Variants in SCN8A observed in about 807,000 individuals in gnomAD.
SCN8A encodes sodium channel protein type 8 subunit alpha.
Under a neutral mutation model 184.1 loss-of-function variants are expected in SCN8A, and 30 were observed. The ratio of observed to expected loss-of-function variants is 0.16; its 90% CI spans 0.12 to 0.22. The LOEUF (loss-of-function observed/expected upper bound fraction) is 0.22, where lower values mean the gene tolerates loss of function less well. SCN8A is among the 10% of genes least tolerant of loss of function. The pLI, the probability that SCN8A is intolerant of heterozygous loss-of-function variation, is 1.00. For synonymous variants in SCN8A, 852 were observed against 907.0 expected, an observed-to-expected ratio of 0.94 and a Z score of 1.09; for missense variants, 1,057 against 2,498.9, an observed-to-expected ratio of 0.42 and a Z score of 12.30.
intron 19 of SCN8A, among the ~76,000 whole-genome samples, chr12:51,771,433 C>CA (rs112882505): frequency 0.023 from 3,290 of 140,308 alleles, 108 homozygotes; most frequent in African/African-American, 0.07. Flanking sequence ...AATCTGGAAG[C>CA]AAAAAAAAAA....
At chr12:51,673,376 A>C (rs1194974569) in intron 2 of SCN8A, among the ~76,000 whole-genome samples, 1 of 152,188 alleles carries the variant, frequency 6.6e-6, no homozygotes, top group African/African-American at 2.4e-5. Context: ...TCCTGGAGCC[A>C]ATTCCCCGTG....
chr12:51,638,889 A>T (rs1053209006), intron 1 of SCN8A, among the ~76,000 whole-genome samples: 1 of 152,180 alleles, frequency 6.6e-6, no homozygotes, highest in Non-Finnish European at 1.5e-5. Flanking sequence ...CTAGAATTAG[A>T]AGTGGAGCCT....
chr12:51,686,013 G>A (rs1322244155), intron 3 of SCN8A, among the ~76,000 whole-genome samples: 7 of 152,184 alleles, frequency 4.6e-5, no homozygotes, highest in African/African-American at 1.7e-4. Context: ...TGACAACTTT[G>A]GTTGAGAAAG....
At chr12:51,641,989 T>C (rs548798523) in intron 1 of SCN8A, among the ~76,000 whole-genome samples, 36 of 152,348 alleles carry the variant, frequency 2.4e-4, no homozygotes, top group African/African-American at 8.4e-4. Flanking sequence ...GACATTCTAC[T>C]ACTAGACTTC....
Position 51,745,972 on chromosome 12 carries a change from T to G in SCN8A, c.2068T>G (p.Ser690Ala). Residue 690 changes from serine (S) to alanine (A), a missense_variant, in exon 13 of 27, where the codon TCC becomes GCC. Ser to Ala is a moderately conservative substitution (Grantham distance 99). Coordinates refer to ENST00000627620, the MANE Select transcript of SCN8A (RefSeq NM_001330260.2). ...SLLVSMDQLASYGRKDRINSI... is the reference protein window; with the variant it reads ...SLLVSMDQLAAYGRKDRINSI... ...TTTAGTTTCCATGGACCAATTAGCC[T>G]CCTACGGGCGGAAGGACAGAATCAA... 1 of 1,612,186 alleles carries G rather than the reference T, an allele frequency of 6.2e-7. No individual in the cohort carries two copies. Among genetic ancestry groups the G allele is most frequent in the Non-Finnish European group, 8.5e-7 (1 of 1,178,986 alleles).
chr12:51,791,340 C>T lies in SCN8A; in HGVS notation c.4524+838C>T, dbSNP rs1057454413. 2.0e-5 allele frequency among the ~76,000 whole-genome samples: 3 copies of T among 152,272 alleles called. No homozygotes were observed. The East Asian group carries it at 5.8e-4, about 29-fold the overall frequency. On this transcript the variant is annotated intron_variant, in intron 25 of 26. Coordinates refer to ENST00000627620, the MANE Select transcript of SCN8A (RefSeq NM_001330260.2). ...TCCAGAACGTTTTCTCCCCTCACCC[C>T]CACACGCCGCACGTGGTACATCTAC... is the stretch of plus-strand genomic sequence containing the variant.
chr12:51,702,782 A>G lies in SCN8A; in HGVS notation c.1002A>G (p.Pro334=), dbSNP rs1057520362. ...CCCTTTCTTTCTTTAGGCAATGCCC[A>G]GAGGGATACCAGTGTATGAAAGCAG... ...CGNSSDAGQC[P]EGYQCMKAGR... is the part of the protein sequence containing the mutation. Residue 334 remains proline, a synonymous_variant, in exon 9 of 27, where the codon CCA becomes CCG. Transcript: ENST00000627620. The G allele has an allele frequency of 6.2e-7, 1 of 1,604,716 alleles. No homozygotes were observed. The highest frequency in any genetic ancestry group is 1.7e-5 in the Admixed American group (1 of 59,196).
chr12:51,767,361 GT>G (rs1277578934), intron 16 of SCN8A, among the ~76,000 whole-genome samples: 1 of 152,128 alleles, frequency 6.6e-6, no homozygotes, highest in African/African-American at 2.4e-5. Flanking sequence ...CACTTTTCAG[GT>G]TCCCCTTTGC....
intron 1 of SCN8A, among the ~76,000 whole-genome samples, chr12:51,601,855 GTTTTTTTT>G (rs938674707): frequency 1.8e-5 from 2 of 109,744 alleles, no homozygotes; most frequent in African/African-American, 3.6e-5. Context: ...CAGAGAAAGG[GTTTTTTTT>G]TTTTTTTTTT....
intron 11 of SCN8A, among the ~76,000 whole-genome samples, chr12:51,720,885 G>A (rs1296596461): frequency 6.6e-6 from 1 of 151,554 alleles, no homozygotes; most frequent in African/African-American, 2.4e-5. Flanking sequence ...GGCCAACATG[G>A]CGAAACCCTG....
intron 12 of SCN8A, among the ~76,000 whole-genome samples, chr12:51,742,524 T>C (rs888272609): frequency 1.3e-5 from 2 of 151,990 alleles, no homozygotes; most frequent in African/African-American, 4.8e-5. Flanking sequence ...TACCACTTTC[T>C]CCTAGCCTGT....
intron 2 of SCN8A, among the ~76,000 whole-genome samples, chr12:51,671,580 T>TTAA (rs1941132026): frequency 6.6e-6 from 1 of 152,206 alleles, no homozygotes; most frequent in East Asian, 1.9e-4. Flanking sequence ...ATGGGACTAT[T>TTAA]TAATAATGGC....
intron 11 of SCN8A, chr12:51,713,324 C>A (rs1336142813): frequency 3.7e-6 from 4 of 1,094,680 alleles, no homozygotes; most frequent in Non-Finnish European, 5.6e-6. Context: ...TGTGGTCAAG[C>A]ACACATTGCT....
Position 51,775,928 on chromosome 12 carries a change from A to T in SCN8A, c.3819+1566A>T, listed in dbSNP as rs149530786. On this transcript the variant is annotated intron_variant, in intron 20 of 26. Transcript: ENST00000627620. ...TACCCAGAATTTGAGGATATTGATCAGGTATCCCACATGCCCCTGCTAAAC... is the reference window on the plus strand; with the variant it reads ...TACCCAGAATTTGAGGATATTGATCTGGTATCCCACATGCCCCTGCTAAAC... Among the ~76,000 whole-genome samples the T allele has an allele frequency of 3.9e-4, 60 of 152,328 alleles. 1 individual carries two copies. The East Asian group carries it at 0.011, about 27-fold the overall frequency.
rs1209695643 is a variant in SCN8A, at chr12:51,788,690, G to A, written c.4228-5G>A. 6.2e-7 allele frequency: 1 copy of A among 1,605,066 alleles called. No homozygotes were observed. ...CACCGTCTAATGACTGACTCTGTTT[G>A]CCAGGCAACCTTCAAAGGCTGGATG... On this transcript the variant is annotated splice_region_variant and splice_polypyrimidine_tract_variant and intron_variant, in intron 22 of 26. Transcript: ENST00000627620.
intron 12 of SCN8A, among the ~76,000 whole-genome samples, chr12:51,726,686 C>T (rs1304538445): frequency 6.6e-6 from 1 of 151,962 alleles, no homozygotes; most frequent in Non-Finnish European, 1.5e-5. Context: ...ATATAATATG[C>T]TTCATATATA....
chr12:51,809,930 T>A lies in SCN8A; in HGVS notation c.*2501T>A, dbSNP rs1447915105. On this transcript the variant is annotated 3_prime_UTR_variant, in exon 27 of 27. Transcript: ENST00000627620. ...GTCTTTTCCAAAACAACAAAAAATA[T>A]ATATTTTTGTTCCAATGTGCAATAA... The A allele has an allele frequency of 6.6e-5, 10 of 152,212 alleles. No homozygotes were observed. Among genetic ancestry groups the A allele is most frequent in the African/African-American group, 2.4e-4 (10 of 41,456 alleles). The allele number at this position is 152,212 out of a possible 1,614,324, so 9.4% of individuals were successfully genotyped here.
At chr12:51,647,517 A>G (rs1402980048) in intron 1 of SCN8A, among the ~76,000 whole-genome samples, 1 of 152,250 alleles carries the variant, frequency 6.6e-6, no homozygotes, top group Non-Finnish European at 1.5e-5. Flanking sequence ...ATGCACGGGC[A>G]GTTCCCCATT....
rs766501312 is a variant in SCN8A, at chr12:51,773,930, A to C, written c.3646-259A>C. Among the ~76,000 whole-genome samples, 192 of 152,234 alleles carry C rather than the reference A, an allele frequency of 1.3e-3. 2 individuals carry two copies. The highest frequency in any genetic ancestry group is 1.7e-3 in the Non-Finnish European group (119 of 68,038). ...CTTTTGGAGGTAATGAAAATGTTCT[A>C]AAATTGATTGTGGTGATGGATGCAC... On this transcript the variant is annotated intron_variant, in intron 19 of 26. Transcript: ENST00000627620.
Sources: allele counts gnomAD v4.1 joint callset (sites outside exome capture counted in the v4.1 genomes callset), GRCh38; gene constraint gnomAD v4.1.1; transcripts MANE v1.5; gene names NCBI Gene and HGNC (gene_info 2026-07-23, HGNC 2026-07-21).